ABCG8: variants seen among roughly 807,000 people sequenced by gnomAD.
The protein encoded by ABCG8 is ATP binding cassette subfamily G member 8.
Under a neutral mutation model 71.3 loss-of-function variants are expected in ABCG8, and 81 were observed. The ratio of observed to expected loss-of-function variants is 1.14; its 90% CI spans 0.95 to 1.37. The LOEUF (loss-of-function observed/expected upper bound fraction) is 1.37. Among genes scored for constraint, ABCG8 ranks in the 40% most tolerant of loss-of-function variants. ABCG8 has a pLI of 0.00. For synonymous variants in ABCG8, 451 were observed against 354.7 expected, an observed-to-expected ratio of 1.27 and a Z score of -3.05; for missense variants, 1,119 against 866.2, an observed-to-expected ratio of 1.29 and a Z score of -3.66.
chr2:43,841,688 C>CCTTGG (rs1202904527), intron 1 of ABCG8, among the ~76,000 whole-genome samples: 1 of 152,118 alleles, frequency 6.6e-6, no homozygotes, highest in Non-Finnish European at 1.5e-5. Context: ...TTGGAACAAG[C>CCTTGG]AACCAGGCAC....
At chr2:43,848,831 C>T (rs563629401) in intron 3 of ABCG8, among the ~76,000 whole-genome samples, 12 of 151,760 alleles carry the variant, frequency 7.9e-5, no homozygotes, top group Admixed American at 2.6e-4. Flanking sequence ...GCCTGGCCAA[C>T]ATGGTGAAAC....
chr2:43,872,864 G>T (rs1223046143), intron 8 of ABCG8, among the ~76,000 whole-genome samples: 1 of 152,158 alleles, frequency 6.6e-6, no homozygotes, highest in Admixed American at 6.5e-5. Context: ...GGAGACAATA[G>T]GAGAGAATCT....
At chr2:43,865,530 ACTAT>A (rs1669497444) in intron 6 of ABCG8, among the ~76,000 whole-genome samples, 3 of 151,914 alleles carry the variant, frequency 2.0e-5, no homozygotes, top group South Asian at 2.1e-4. Context: ...TAGAACTCTG[ACTAT>A]CTATCTGGAT....
At chr2:43,845,192 T>C (rs1355181525) in intron 2 of ABCG8, among the ~76,000 whole-genome samples, 1 of 151,686 alleles carries the variant, frequency 6.6e-6, no homozygotes, top group Non-Finnish European at 1.5e-5. Context: ...ATGACTGACC[T>C]TTCAGAGGCA....
At chr2:43,844,153 C>G (rs1668664224) in intron 1 of ABCG8, among the ~76,000 whole-genome samples, 1 of 152,258 alleles carries the variant, frequency 6.6e-6, no homozygotes, top group South Asian at 2.1e-4. Flanking sequence ...CCAGTCAGGT[C>G]TTCTCAGAGC....
intron 6 of ABCG8, among the ~76,000 whole-genome samples, chr2:43,855,740 G>A (rs1032322546): frequency 6.6e-6 from 1 of 151,388 alleles, no homozygotes; most frequent in Admixed American, 6.6e-5. Flanking sequence ...CTCACTCTCT[G>A]GATAGAACTC....
chr2:43,870,324 A>T (rs1298813767), intron 6 of ABCG8, among the ~76,000 whole-genome samples: 1 of 151,774 alleles, frequency 6.6e-6, no homozygotes, highest in Admixed American at 6.6e-5. Flanking sequence ...TCTGGATAGA[A>T]CTCTCACTAT....
intron 6 of ABCG8, among the ~76,000 whole-genome samples, chr2:43,858,503 A>G (rs1445095751): frequency 2.6e-5 from 4 of 151,398 alleles, no homozygotes; most frequent in Non-Finnish European, 5.9e-5. Flanking sequence ...TCTGAATAGT[A>G]CTCTCACTAT....
chr2:43,850,029 G>T (rs538253661), intron 3 of ABCG8, among the ~76,000 whole-genome samples: 1 of 151,986 alleles, frequency 6.6e-6, no homozygotes, highest in Non-Finnish European at 1.5e-5. Flanking sequence ...GTGAAACCCC[G>T]TCGCTGCTAA....
At chr2:43,871,884 C>A in intron 6 of ABCG8, 92 bp from the exon 7 acceptor site, 2 of 1,565,060 alleles carry the variant, frequency 1.3e-6, no homozygotes, top group Non-Finnish European at 1.8e-6. Context: ...GAGGGGTGAT[C>A]AGCATTGTGA....
chr2:43,860,517 A>G (rs1221408341), intron 6 of ABCG8, among the ~76,000 whole-genome samples: 2 of 151,118 alleles, frequency 1.3e-5, no homozygotes, highest in Non-Finnish European at 3.0e-5. Flanking sequence ...AACTCTCACT[A>G]TCTATCTGGT....
Position 43,873,871 on chromosome 2 carries a change from C to T in ABCG8, c.1296C>T (p.Gly432=). The T allele has an allele frequency of 1.2e-6, 2 of 1,613,308 alleles. No homozygotes were observed. Among genetic ancestry groups the T allele is most frequent in the Non-Finnish European group, 1.7e-6 (2 of 1,179,276 alleles). Residue 432 remains glycine (G), a synonymous_variant, in exon 9 of 13, where the codon GGC becomes GGT. Coordinates refer to ENST00000272286, the MANE Select transcript of ABCG8 (RefSeq NM_022437.3). ...CCTGTCTGATGTCAATGACCATCGG[C>T]TTCCTCTATTTTGGCCATGGGAGCA... ...AEACLMSMTI[G]FLYFGHGSIQ...
intron 6 of ABCG8, among the ~76,000 whole-genome samples, chr2:43,865,346 C>T (rs1382753037): frequency 7.3e-6 from 1 of 137,444 alleles, no homozygotes; most frequent in Non-Finnish European, 1.6e-5. Flanking sequence ...AATTCTCACC[C>T]TCTGGATAGA....
intron 9 of ABCG8, 65 bp from the exon 10 acceptor site, chr2:43,874,342 C>T (rs1669883571): frequency 2.3e-6 from 3 of 1,318,300 alleles, no homozygotes; most frequent in African/African-American, 2.9e-5. Context: ...AGAGAGTCTC[C>T]AAAACAGAAG....
intron 1 of ABCG8, among the ~76,000 whole-genome samples, chr2:43,842,035 C>G (rs545739461): frequency 6.6e-6 from 1 of 151,298 alleles, no homozygotes; most frequent in Non-Finnish European, 1.5e-5. Flanking sequence ...TTGACAGAGT[C>G]TCACGCTGTG....
chr2:43,866,412 C>T (rs377422584), intron 6 of ABCG8, among the ~76,000 whole-genome samples: 4 of 151,770 alleles, frequency 2.6e-5, no homozygotes, highest in South Asian at 2.1e-4. Flanking sequence ...ACAGGCAACC[C>T]ACAAAATAGG....
chr2:43,864,312 C>G (rs1669442947), intron 6 of ABCG8, among the ~76,000 whole-genome samples: 1 of 151,736 alleles, frequency 6.6e-6, no homozygotes, highest in Non-Finnish European at 1.5e-5. Flanking sequence ...ATAGAATTCT[C>G]ACTATCTGTC....
intron 6 of ABCG8, among the ~76,000 whole-genome samples, chr2:43,857,417 C>T (rs1322497524): frequency 6.6e-6 from 1 of 151,386 alleles, no homozygotes; most frequent in East Asian, 2.0e-4. Context: ...AATTCTCATT[C>T]TCTGGATAGA....
intron 6 of ABCG8, among the ~76,000 whole-genome samples, chr2:43,865,976 G>T (rs1017776749): frequency 1.3e-5 from 2 of 152,136 alleles, no homozygotes; most frequent in Admixed American, 1.3e-4. Flanking sequence ...AAAACATCAT[G>T]GTACTGGTAC....
Sources: allele counts gnomAD v4.1 joint callset (sites outside exome capture counted in the v4.1 genomes callset), GRCh38; gene constraint gnomAD v4.1.1; transcripts MANE v1.5; gene names NCBI Gene and HGNC (gene_info 2026-07-23, HGNC 2026-07-21).